Variants in PAPSS1 observed in about 807,000 individuals in gnomAD.
The protein encoded by PAPSS1 is 3'-phosphoadenosine 5'-phosphosulfate synthase 1.
PAPSS1 carries 50 observed loss-of-function variants against 72.0 expected under a neutral mutation model. The observed-to-expected ratio is 0.69, with a 90% CI of 0.55 to 0.88. PAPSS1 has a LOEUF of 0.88. Ranked by LOEUF, PAPSS1 falls within the 40% of genes least tolerant of loss-of-function variation. The pLI is 0.00. For missense variants in PAPSS1, 657 were observed against 782.2 expected (o/e 0.84, Z 1.91); for synonymous variants, 261 against 263.6 (o/e 0.99, Z 0.09).
At position 107,613,790 on chromosome 4, in the gene PAPSS1, C is replaced by T. The variant is rs1174582897; in HGVS notation, c.*459G>A. 6.6e-6 allele frequency: 1 copy of T among 152,072 alleles called. No homozygotes were observed. Among genetic ancestry groups the T allele is most frequent in the Non-Finnish European group, 1.5e-5 (1 of 68,076 alleles). The allele number at this position is 152,072 out of a possible 1,614,324, so 9.4% of individuals were successfully genotyped here. A position where few individuals can be genotyped will look rare whatever the true frequency, so the allele number is the denominator to read the frequency against. On this transcript the variant is annotated 3_prime_UTR_variant, in exon 12 of 12. Coordinates refer to ENST00000265174, the MANE Select transcript of PAPSS1 (RefSeq NM_005443.5). ...AGCTGACTGGAAAGAAGAAAGGAAG[C>T]AGTTTCTATTTTCAATGTAGAAAAA...
chr4:107,688,721 A>T (rs1455355588), intron 3 of PAPSS1, among the ~76,000 whole-genome samples: 2 of 152,222 alleles, frequency 1.3e-5, no homozygotes, highest in East Asian at 3.9e-4. Flanking sequence ...GTTTCTCTCA[A>T]GTGCCTTCAC....
At chr4:107,627,753 C>T (rs1305994431) in intron 11 of PAPSS1, among the ~76,000 whole-genome samples, 1 of 152,048 alleles carries the variant, frequency 6.6e-6, no homozygotes, top group African/African-American at 2.4e-5. Context: ...AATTTTAAGG[C>T]ATCCTTTTGG....
intron 2 of PAPSS1, chr4:107,694,334 T>G (rs184700025): frequency 3.1e-4 from 81 of 257,922 alleles, no homozygotes; most frequent in Non-Finnish European, 5.5e-4. Context: ...AATACATTCA[T>G]TATGCAAAGC....
chr4:107,621,606 A>ATTTTTTTTTTTTT (rs1382723816), intron 11 of PAPSS1, among the ~76,000 whole-genome samples: 7 of 50,502 alleles, frequency 1.4e-4, no homozygotes, highest in East Asian at 6.7e-4. Flanking sequence ...CAGGTTTTTT[A>ATTTTTTTTTTTTT]TCTTTTTTTT....
At chr4:107,623,312 C>A (rs536351433) in intron 11 of PAPSS1, among the ~76,000 whole-genome samples, 84 of 152,092 alleles carry the variant, frequency 5.5e-4, no homozygotes, top group Non-Finnish European at 1.1e-3. Context: ...TGCTTTGTTG[C>A]CTTGTATCCT....
chr4:107,641,091 C>T (rs912514551), intron 10 of PAPSS1, among the ~76,000 whole-genome samples: 1 of 152,234 alleles, frequency 6.6e-6, no homozygotes, highest in Non-Finnish European at 1.5e-5. Context: ...ACTAGTCAGG[C>T]TCCCCTGAGC....
chr4:107,697,382 G>A (rs1289458304), intron 2 of PAPSS1, among the ~76,000 whole-genome samples: 1 of 152,174 alleles, frequency 6.6e-6, no homozygotes, highest in Non-Finnish European at 1.5e-5. Flanking sequence ...ACAGTAGGTG[G>A]AACAAAGGGA....
At chr4:107,639,268 C>G (rs1227980144) in intron 10 of PAPSS1, among the ~76,000 whole-genome samples, 1 of 152,118 alleles carries the variant, frequency 6.6e-6, no homozygotes, top group Non-Finnish European at 1.5e-5. Context: ...CATATATAAG[C>G]TAAAAGTATA....
At chr4:107,690,069 G>A (rs935565512) in intron 3 of PAPSS1, among the ~76,000 whole-genome samples, 1 of 152,130 alleles carries the variant, frequency 6.6e-6, no homozygotes, top group African/African-American at 2.4e-5. Context: ...GAAGGAGCTG[G>A]TGCTACGGCA....
At position 107,682,135 on chromosome 4, in the gene PAPSS1, T is replaced by A; in HGVS notation, c.551-2A>T. On this transcript the variant is annotated splice_acceptor_variant, in intron 4 of 11. Transcript: ENST00000265174. LOFTEE classifies it high-confidence loss of function. ...ATTCAGAATCGATCCCAGTGAAACC[T>A]GCAAAAGGTAACAGATAATAGAGTA... 6.8e-7 allele frequency: 1 copy of A among 1,475,070 alleles called. No individual in the cohort carries two copies. Among genetic ancestry groups the A allele is most frequent in the Non-Finnish European group, 9.4e-7 (1 of 1,059,798 alleles). The allele number at this position is 1,475,070 out of a possible 1,614,324, so 91.4% of individuals were successfully genotyped here. A position where few individuals can be genotyped will look rare whatever the true frequency, so the allele number is the denominator to read the frequency against.
At chr4:107,653,357 C>T in intron 9 of PAPSS1, 134 bp downstream of exon 9, 1 of 655,482 alleles carries the variant, frequency 1.5e-6, no homozygotes, top group Non-Finnish European at 2.4e-6. Flanking sequence ...TTTTGATTGA[C>T]TACCTTTCTT....
chr4:107,701,022 G>C (rs1486574861), intron 2 of PAPSS1, 149 bp downstream of exon 2: 4 of 415,990 alleles, frequency 9.6e-6, no homozygotes, highest in East Asian at 3.7e-5. Flanking sequence ...AAAATAACAA[G>C]AAATATTATT....
At chr4:107,697,674 A>G (rs903658916) in intron 2 of PAPSS1, among the ~76,000 whole-genome samples, 1 of 152,200 alleles carries the variant, frequency 6.6e-6, no homozygotes, top group African/African-American at 2.4e-5. Context: ...AGTCAGAGGA[A>G]ACTGATAATA....
At chr4:107,663,940 T>C (rs1397236986) in intron 5 of PAPSS1, among the ~76,000 whole-genome samples, 1 of 152,248 alleles carries the variant, frequency 6.6e-6, no homozygotes, top group Non-Finnish European at 1.5e-5. Flanking sequence ...CCCAAGTTTT[T>C]AGTCAGCATG....
intron 10 of PAPSS1, among the ~76,000 whole-genome samples, chr4:107,633,441 T>C (rs1397375090): frequency 6.6e-6 from 1 of 152,214 alleles, no homozygotes; most frequent in African/African-American, 2.4e-5. Flanking sequence ...TTGATTTTTT[T>C]CCACTTGCAT....
chr4:107,661,049 C>T (rs1013100837), intron 5 of PAPSS1, among the ~76,000 whole-genome samples: 1 of 152,054 alleles, frequency 6.6e-6, no homozygotes, highest in Non-Finnish European at 1.5e-5. Context: ...GGGCAAAAGA[C>T]CTGAATAGAC....
At chr4:107,668,239 G>C (rs759833264) in intron 5 of PAPSS1, among the ~76,000 whole-genome samples, 1 of 152,144 alleles carries the variant, frequency 6.6e-6, no homozygotes, top group Non-Finnish European at 1.5e-5. Context: ...TCTGGAATCT[G>C]TTTCCTTATC....
chr4:107,703,076 C>A (rs975736340), intron 1 of PAPSS1, among the ~76,000 whole-genome samples: 7 of 152,134 alleles, frequency 4.6e-5, no homozygotes, highest in East Asian at 1.9e-4. Context: ...GTTTTAATTG[C>A]ATTTCCCTGA....
At chr4:107,675,095 T>C (rs988550203) in intron 5 of PAPSS1, among the ~76,000 whole-genome samples, 1 of 152,020 alleles carries the variant, frequency 6.6e-6, no homozygotes, top group Non-Finnish European at 1.5e-5. Flanking sequence ...AGATCTAAAA[T>C]GGACACCCTA....
Sources: allele counts gnomAD v4.1 joint callset (sites outside exome capture counted in the v4.1 genomes callset), GRCh38; gene constraint gnomAD v4.1.1; transcripts MANE v1.5; gene names NCBI Gene and HGNC (gene_info 2026-07-23, HGNC 2026-07-21).